The following TPM4 variants were observed in gnomAD, a reference collection of about 807,000 sequenced individuals.
The protein encoded by TPM4 is tropomyosin 4, also known as tropomyosin alpha-4 chain.
In TPM4, 17 loss-of-function variants were observed where a neutral mutation model predicts 35.8. The ratio of observed to expected loss-of-function variants is 0.47; its 90% CI spans 0.32 to 0.71. The LOEUF is 0.71. TPM4 is among the 30% of genes least tolerant of loss of function. The pLI is 0.03. For missense variants in TPM4, 240 were observed against 320.9 expected (o/e 0.75, Z 1.93); for synonymous variants, 120 against 122.9 (o/e 0.98, Z 0.15).
chr19:16,076,522 G>A lies in TPM4; in HGVS notation c.-44G>A. 1.4e-6 allele frequency: 2 copies of A among 1,399,574 alleles called. No homozygotes were observed. The highest frequency in any genetic ancestry group is 1.9e-6 in the Non-Finnish European group (2 of 1,081,038). The allele number at this position is 1,399,574 out of a possible 1,614,324, so 86.7% of individuals were successfully genotyped here. On this transcript the variant is annotated 5_prime_UTR_variant, in exon 1 of 8. Transcript: ENST00000643579. ...GCAGCTCTCGCCGGAGCCGAGCCCA[G>A]CCGAGCGTCCGCCGCTGCCCGTGCG...
chr19:16,085,936 G>C (rs561785094), intron 2 of TPM4, among the ~76,000 whole-genome samples: 1 of 152,030 alleles, frequency 6.6e-6, no homozygotes, highest in Non-Finnish European at 1.5e-5. Context: ...GGTCACGGTG[G>C]TGCATGCCTA....
intron 7 of TPM4, among the ~76,000 whole-genome samples, chr19:16,099,005 A>G (rs2090733618): frequency 6.6e-6 from 1 of 152,052 alleles, no homozygotes; most frequent in Admixed American, 6.6e-5. Flanking sequence ...CTATTCACCC[A>G]GACTGGATAG....
At chr19:16,068,685 G>A (rs908026455) in intron 2 of TPM4, among the ~76,000 whole-genome samples, 3 of 152,156 alleles carry the variant, frequency 2.0e-5, no homozygotes, top group African/African-American at 7.2e-5. Flanking sequence ...TTCTCTGTGC[G>A]TGTATCTGTA....
At chr19:16,077,591 T>C (rs2090427147) in intron 1 of TPM4, among the ~76,000 whole-genome samples, 1 of 152,182 alleles carries the variant, frequency 6.6e-6, no homozygotes, top group African/African-American at 2.4e-5. Context: ...TCTGGTCCCA[T>C]ATCATGCCAC....
intron 2 of TPM4, among the ~76,000 whole-genome samples, chr19:16,069,754 GCATGTGTGGA>G (rs2090338272): frequency 6.8e-6 from 1 of 146,072 alleles, no homozygotes; most frequent in Admixed American, 6.8e-5. Context: ...GGGGGTGTGT[GCATGTGTGGA>G]TGAGTGTGTG....
chr19:16,076,346 G>A, upstream of TPM4: 12 of 1,469,198 alleles, frequency 8.2e-6, no homozygotes, highest in South Asian at 1.4e-5. Context: ...TGTGGCCAGC[G>A]GTGCCGACGT....
rs2090342086 is a variant in TPM4, at chr19:16,070,075, G to C, written c.114+2337G>C. Among the ~76,000 whole-genome samples the C allele has an allele frequency of 1.3e-5, 2 of 151,844 alleles. No individual in the cohort carries two copies. Among genetic ancestry groups the C allele is most frequent in the South Asian group, 2.1e-4 (1 of 4,812 alleles). ...GGGTCTGGGGACTGGGATGGGAGTA[G>C]AGTTGAGAGTGAGTCTGAGAATCTC... On this transcript the variant is annotated intron_variant, in intron 2 of 2. Transcript: ENST00000589897. The surrounding 1 kb of genome is among the most constrained non-coding windows in gnomAD (Gnocchi z 7.4).
intron 5 of TPM4, among the ~76,000 whole-genome samples, chr19:16,091,501 A>C (rs1257273927): frequency 6.6e-6 from 1 of 152,202 alleles, no homozygotes; most frequent in East Asian, 1.9e-4. Flanking sequence ...TAGGTCCAGC[A>C]CGGTGGCTCA....
At chr19:16,085,397 A>G (rs2090537793) in intron 2 of TPM4, among the ~76,000 whole-genome samples, 2 of 152,102 alleles carry the variant, frequency 1.3e-5, no homozygotes, top group Admixed American at 1.3e-4. Flanking sequence ...CCCCACCTCC[A>G]CAAAAAATTT....
chr19:16,084,804 G>C (rs2090527451), intron 2 of TPM4, among the ~76,000 whole-genome samples: 1 of 152,096 alleles, frequency 6.6e-6, no homozygotes, highest in Admixed American at 6.6e-5. Flanking sequence ...GTGGGGGAGG[G>C]TGTTTTGAGA....
At chr19:16,088,818 A>C in intron 4 of TPM4, 1 of 1,315,852 alleles carries the variant, frequency 7.6e-7, no homozygotes, top group Non-Finnish European at 9.7e-7. Context: ...AAGCCCTCCA[A>C]ATACTCTTCG....
At chr19:16,069,873 G>A (rs905999910) in intron 2 of TPM4, among the ~76,000 whole-genome samples, 5 of 151,920 alleles carry the variant, frequency 3.3e-5, no homozygotes, top group Non-Finnish European at 5.9e-5. Flanking sequence ...GATGTGAGGG[G>A]GGCTGTGCGA....
At chr19:16,076,011 C>CA, upstream of TPM4, 2 of 1,590,960 alleles carry the variant, frequency 1.3e-6, no homozygotes, top group Non-Finnish European at 1.7e-6. Flanking sequence ...TGACCCCCCC[C>CA]CCAGGCTGAC....
intron 7 of TPM4, among the ~76,000 whole-genome samples, chr19:16,094,809 A>T (rs2090674102): frequency 6.6e-6 from 1 of 152,222 alleles, no homozygotes; most frequent in Non-Finnish European, 1.5e-5. Context: ...TGGGGTTCAA[A>T]TGGAATCTTC....
At chr19:16,081,015 C>T in intron 1 of TPM4, 1 of 398,602 alleles carries the variant, frequency 2.5e-6, no homozygotes, top group Non-Finnish European at 4.4e-6. Context: ...CCTGCCATCT[C>T]TCAGCCAGGC....
At chr19:16,095,191 G>A in intron 7 of TPM4, 1 of 957,528 alleles carries the variant, frequency 1.0e-6, no homozygotes, top group Non-Finnish European at 1.3e-6. Flanking sequence ...TTCATCTGTG[G>A]CACTCCATTC....
rs1056127242 is a variant in TPM4, at chr19:16,102,740, A to G, written c.*1394A>G. The G allele has an allele frequency of 4.3e-6, 1 of 230,390 alleles. No individual in the cohort carries two copies. Among genetic ancestry groups the G allele is most frequent in the African/African-American group, 2.2e-5 (1 of 45,194 alleles). 14.3% of individuals were successfully genotyped at this position (230,390 alleles called of 1,614,324 possible). A position where few individuals can be genotyped will look rare whatever the true frequency, so the allele number is the denominator to read the frequency against. On this transcript the variant is annotated 3_prime_UTR_variant, in exon 8 of 8. Transcript: ENST00000643579. ...TCAGTTAACATCTCAGAGCTAGAAC[A>G]TTCCACATTCCCCAGCAGCGTGTGG...
intron 7 of TPM4, among the ~76,000 whole-genome samples, chr19:16,096,132 T>C (rs1411600602): frequency 6.6e-6 from 1 of 152,166 alleles, no homozygotes; most frequent in Non-Finnish European, 1.5e-5. Context: ...GGTTTCACCA[T>C]GTTGGTCAGG....
rs530066027 is a variant in TPM4, at chr19:16,095,571, A to T, written c.664+1818A>T. The T allele has an allele frequency of 1.2e-5, 12 of 1,012,920 alleles. No individual in the cohort carries two copies. The South Asian group carries it at 5.6e-4, about 47-fold the overall frequency. 62.7% of individuals were successfully genotyped at this position (1,012,920 alleles called of 1,614,324 possible). A position where few individuals can be genotyped will look rare whatever the true frequency, so the allele number is the denominator to read the frequency against. On this transcript the variant is annotated intron_variant, in intron 7 of 7. Transcript: ENST00000643579. ...CTTTGAGCTGTAGCTGTGTGCCCTT[A>T]ACCATAGCCTGAAACACAAAGTGGG...
Sources: allele counts gnomAD v4.1 joint callset (sites outside exome capture counted in the v4.1 genomes callset), GRCh38; gene constraint gnomAD v4.1.1; non-coding constraint Gnocchi (gnomAD v3.1); transcripts MANE v1.5; gene names NCBI Gene and HGNC (gene_info 2026-07-23, HGNC 2026-07-21).